The following AUTS2 variants were observed in gnomAD, a reference collection of about 807,000 sequenced individuals.
AUTS2 encodes the protein autism susceptibility gene 2 protein.
A neutral mutation model predicts 112.4 loss-of-function variants in AUTS2; 17 were observed. The observed-to-expected ratio is 0.15, with a 90% CI of 0.10 to 0.23. The LOEUF (loss-of-function observed/expected upper bound fraction) is 0.23, where lower values mean the gene tolerates loss of function less well. AUTS2 is among the 10% of genes least tolerant of loss of function. The pLI is 1.00. For synonymous variants in AUTS2, 751 were observed against 702.7 expected (o/e 1.07, Z -1.09); for missense variants, 1,510 against 1,701.6 (o/e 0.89, Z 1.98).
At chr7:70,643,203 G>T (rs1178274980) in intron 5 of AUTS2, among the ~76,000 whole-genome samples, 1 of 152,098 alleles carries the variant, frequency 6.6e-6, no homozygotes, top group East Asian at 1.9e-4. Context: ...CCCAGGTCTT[G>T]CCCTTAGCTT....
intron 2 of AUTS2, among the ~76,000 whole-genome samples, chr7:69,914,859 C>G (rs77292446): frequency 1.3e-5 from 2 of 151,978 alleles, no homozygotes; most frequent in African/African-American, 4.8e-5. Context: ...GTCCCACGTG[C>G]CCTCGGTTTA....
intron 5 of AUTS2, among the ~76,000 whole-genome samples, chr7:70,445,012 A>C (rs1231227130): frequency 6.6e-6 from 1 of 152,204 alleles, no homozygotes; most frequent in Non-Finnish European, 1.5e-5. Context: ...AAATAGTAAT[A>C]ATAAGCACCA....
intron 4 of AUTS2, among the ~76,000 whole-genome samples, chr7:70,248,346 A>G (rs973759874): frequency 6.6e-6 from 1 of 151,992 alleles, no homozygotes; most frequent in Admixed American, 6.6e-5. Flanking sequence ...TTGGCCTCAA[A>G]CTCCTGACCT....
chr7:69,992,695 G>A (rs1250983588), intron 2 of AUTS2, among the ~76,000 whole-genome samples: 1 of 152,134 alleles, frequency 6.6e-6, no homozygotes, highest in East Asian at 1.9e-4. Context: ...ACCAGCCTGG[G>A]CAACGTAGCA....
intron 5 of AUTS2, among the ~76,000 whole-genome samples, chr7:70,496,762 T>G (rs1225362193): frequency 4.3e-5 from 3 of 70,116 alleles, no homozygotes; most frequent in African/African-American, 5.6e-5. Context: ...CACACCCCAC[T>G]CACACCACGT....
intron 2 of AUTS2, among the ~76,000 whole-genome samples, chr7:69,921,785 G>C (rs537007054): frequency 7.0e-6 from 1 of 142,780 alleles, no homozygotes; most frequent in African/African-American, 2.6e-5. Context: ...AAAAAAAAAG[G>C]CCGGGCATGG....
intron 4 of AUTS2, among the ~76,000 whole-genome samples, chr7:70,161,640 T>G (rs1290042012): frequency 6.6e-6 from 1 of 150,858 alleles, no homozygotes; most frequent in Non-Finnish European, 1.5e-5. Context: ...GGTCACAAAT[T>G]TGTAGAAAGG....
chr7:69,602,695 A>G lies in AUTS2; in HGVS notation c.309+2733A>G, dbSNP rs77826091. Among the ~76,000 whole-genome samples, 3,185 of 152,330 alleles carry G rather than the reference A, an allele frequency of 0.021. 240 individuals carry two copies. In the East Asian group the frequency reaches 0.27, roughly 13 times the overall value. On this transcript the variant is annotated intron_variant, in intron 1 of 18. Transcript: ENST00000342771. Reference sequence around the variant, plus strand: ...TAAATGAATGTATAACAGTTCACTAATATCAAATATCCTGTCAGTGTTTAC... The same window carrying G: ...TAAATGAATGTATAACAGTTCACTAGTATCAAATATCCTGTCAGTGTTTAC...
chr7:70,294,624 C>T (rs1002049272), intron 4 of AUTS2, among the ~76,000 whole-genome samples: 6 of 152,196 alleles, frequency 3.9e-5, no homozygotes, highest in Non-Finnish European at 5.9e-5. Context: ...CTAGCATGAT[C>T]GTTTTTCCTT....
At chr7:70,003,172 T>A (rs997629855) in intron 2 of AUTS2, among the ~76,000 whole-genome samples, 23 of 126,664 alleles carry the variant, frequency 1.8e-4, no homozygotes, top group African/African-American at 6.6e-4. Flanking sequence ...TTCATATATA[T>A]TATATGAATA....
intron 2 of AUTS2, among the ~76,000 whole-genome samples, chr7:70,096,975 G>T (rs921393006): frequency 6.6e-6 from 1 of 152,110 alleles, no homozygotes; most frequent in African/African-American, 2.4e-5. Flanking sequence ...TTCTCTTTTT[G>T]CTTCTTCTAC....
chr7:69,747,171 A>G (rs1027943985), intron 1 of AUTS2, among the ~76,000 whole-genome samples: 7 of 152,214 alleles, frequency 4.6e-5, no homozygotes, highest in Non-Finnish European at 7.3e-5. Flanking sequence ...AAGAATTTGC[A>G]TTATTTACAA....
At chr7:70,240,096 A>C (rs753601635) in intron 4 of AUTS2, among the ~76,000 whole-genome samples, 8 of 152,134 alleles carry the variant, frequency 5.3e-5, no homozygotes, top group Non-Finnish European at 1.2e-4. Context: ...GGCTAGCGTG[A>C]CATTCCTACT....
intron 10 of AUTS2, 138 bp from the exon 11 acceptor site, chr7:70,771,411 C>T (rs1790329178): frequency 1.6e-6 from 1 of 608,890 alleles, no homozygotes. Flanking sequence ...ATCATTCCAT[C>T]ATGGCTTCTT....
At chr7:70,787,854 G>A (rs1791617079) in intron 18 of AUTS2, among the ~76,000 whole-genome samples, 1 of 152,012 alleles carries the variant, frequency 6.6e-6, no homozygotes, top group Non-Finnish European at 1.5e-5. Context: ...TTTTCTTTTA[G>A]AAAGCCATGT....
intron 4 of AUTS2, among the ~76,000 whole-genome samples, chr7:70,239,019 ATAGAG>A (rs2129599453): frequency 6.6e-6 from 1 of 152,312 alleles, no homozygotes; most frequent in East Asian, 1.9e-4. Context: ...TACCGATGTA[ATAGAG>A]ATGCCTGAGC....
At chr7:70,181,410 A>G (rs552135182) in intron 4 of AUTS2, among the ~76,000 whole-genome samples, 2 of 152,178 alleles carry the variant, frequency 1.3e-5, no homozygotes, top group African/African-American at 4.8e-5. Context: ...CTGTTGTAGG[A>G]GTCTTCTCAC....
intron 1 of AUTS2, among the ~76,000 whole-genome samples, chr7:69,669,609 CCTT>C (rs1361365650): frequency 1.3e-5 from 2 of 151,772 alleles, no homozygotes; most frequent in Admixed American, 1.3e-4. Flanking sequence ...TAAATGGGAC[CCTT>C]CTTTATGTAG....
intron 1 of AUTS2, among the ~76,000 whole-genome samples, chr7:69,794,872 G>A (rs571268613): frequency 2.0e-5 from 3 of 152,014 alleles, no homozygotes; most frequent in African/African-American, 4.8e-5. Flanking sequence ...TCACAAACAC[G>A]AACCTTAAAA....
Sources: allele counts gnomAD v4.1 joint callset (sites outside exome capture counted in the v4.1 genomes callset), GRCh38; gene constraint gnomAD v4.1.1; transcripts MANE v1.5; gene names NCBI Gene and HGNC (gene_info 2026-07-23, HGNC 2026-07-21).